The following SH3PXD2A variants were observed in gnomAD, a reference collection of about 807,000 sequenced individuals.
SH3PXD2A encodes SH3 and PX domains 2A.
In SH3PXD2A, 32 loss-of-function variants were observed where a neutral mutation model predicts 115.2. The observed-to-expected ratio is 0.28, with a 90% confidence interval of 0.21 to 0.37. The LOEUF (loss-of-function observed/expected upper bound fraction) is 0.37. Ranked by LOEUF, SH3PXD2A falls within the 10% of genes least tolerant of loss-of-function variation. The pLI, the probability that SH3PXD2A is intolerant of heterozygous loss-of-function variation, is 1.00. For synonymous variants in SH3PXD2A, 610 were observed against 629.1 expected, an observed-to-expected ratio of 0.97 and a Z score of 0.45; for missense variants, 1,328 against 1,498.7, an observed-to-expected ratio of 0.89 and a Z score of 1.88.
intron 1 of SH3PXD2A, among the ~76,000 whole-genome samples, chr10:103,809,848 C>CT (rs35539727): frequency 0.56 from 82,136 of 145,856 alleles, 23,765 homozygotes; most frequent in South Asian, 0.69. Flanking sequence ...CCACACTAGG[C>CT]TTTTTTTTTT....
intron 11 of SH3PXD2A, among the ~76,000 whole-genome samples, chr10:103,613,818 G>A (rs960672313): frequency 6.6e-6 from 1 of 152,200 alleles, no homozygotes; most frequent in Non-Finnish European, 1.5e-5. Context: ...ATCTTAGCTG[G>A]AATGGCTCCT....
intron 8 of SH3PXD2A, among the ~76,000 whole-genome samples, chr10:103,647,006 G>A (rs548557353): frequency 2.6e-5 from 4 of 152,324 alleles, no homozygotes; most frequent in African/African-American, 9.6e-5. Context: ...CTCCCTTGGA[G>A]GGAGGCCTCT....
chr10:103,695,995 C>T (rs955000970), intron 5 of SH3PXD2A, among the ~76,000 whole-genome samples: 1 of 152,188 alleles, frequency 6.6e-6, no homozygotes, highest in Non-Finnish European at 1.5e-5. Flanking sequence ...GGACTGGGGA[C>T]CAGAAAACCC....
At position 103,655,049 on chromosome 10, in the gene SH3PXD2A, G is replaced by A. The variant is rs149141889; in HGVS notation, c.604+5934C>T. 2.0e-5 allele frequency among the ~76,000 whole-genome samples: 3 copies of A among 152,328 alleles called. No individual in the cohort carries two copies. The East Asian group carries it at 5.8e-4, about 29-fold the overall frequency. ...TCCCCTCCAGCCAGCTCTGTGAAGTGGGTAACGGCTGCACACTGGAGATCG... is the reference window on the plus strand; with the variant it reads ...TCCCCTCCAGCCAGCTCTGTGAAGTAGGTAACGGCTGCACACTGGAGATCG... On this transcript the variant is annotated intron_variant, in intron 8 of 14. Transcript: ENST00000369774.
intron 3 of SH3PXD2A, among the ~76,000 whole-genome samples, chr10:103,759,804 T>C (rs190553181): frequency 3.9e-5 from 6 of 152,292 alleles, no homozygotes; most frequent in African/African-American, 1.4e-4. Context: ...AAATTCCAAG[T>C]AAACAGTAGG....
chr10:103,748,723 C>G (rs1056660864), intron 3 of SH3PXD2A, among the ~76,000 whole-genome samples: 2 of 152,118 alleles, frequency 1.3e-5, no homozygotes, highest in African/African-American at 4.8e-5. Flanking sequence ...ATCTGAGAAG[C>G]TGAAGGGAGT....
intron 8 of SH3PXD2A, among the ~76,000 whole-genome samples, chr10:103,634,006 C>T (rs866935682): frequency 2.6e-5 from 4 of 152,298 alleles, no homozygotes; most frequent in Middle Eastern, 3.4e-3. Flanking sequence ...GGCCCCTGTG[C>T]CGTACATTCG....
Position 103,598,457 on chromosome 10 carries a change from A to G in SH3PXD2A, c.*3359T>C, listed in dbSNP as rs2036165299. On this transcript the variant is annotated 3_prime_UTR_variant, in exon 15 of 15. Coordinates refer to ENST00000369774, the MANE Select transcript of SH3PXD2A (RefSeq NM_001394015.1). ...AAGGTCTTGAAACGGAAAGGAAAAC[A>G]AAGCACCAAATGCTGCATCTTCGGG... 6.6e-6 allele frequency: 1 copy of G among 152,652 alleles called. No homozygotes were observed. Among genetic ancestry groups the G allele is most frequent in the Non-Finnish European group, 1.5e-5 (1 of 68,046 alleles). 9.5% of individuals were successfully genotyped at this position (152,652 alleles called of 1,614,324 possible). A position where few individuals can be genotyped will look rare whatever the true frequency, so the allele number is the denominator to read the frequency against.
At chr10:103,728,209 G>C (rs1039227552) in intron 4 of SH3PXD2A, among the ~76,000 whole-genome samples, 2 of 152,218 alleles carry the variant, frequency 1.3e-5, no homozygotes, top group African/African-American at 4.8e-5. Flanking sequence ...GTGTGAGGCT[G>C]GATGCATTAC....
At chr10:103,612,751 A>T (rs543502521) in intron 12 of SH3PXD2A, 102 bp downstream of exon 12, 1 of 738,462 alleles carries the variant, frequency 1.4e-6, no homozygotes, top group Admixed American at 3.2e-5. Flanking sequence ...CCAGGAGGAA[A>T]ACGCCATGGG....
rs2038446221 is a variant in SH3PXD2A at position 103,741,743 on chromosome 10, GA to G, written c.230-5936del. Among the ~76,000 whole-genome samples the G allele has an allele frequency of 5.9e-5, 9 of 152,336 alleles. No individual in the cohort carries two copies. In the South Asian group the frequency reaches 1.9e-3, roughly 32 times the overall value. The stretch of plus-strand genomic sequence containing the variant: ...CGGTGCAAAGGCCTCGTGCTCCAAG[GA>G]CAGCCCTCCTGCCCTTCTAACTGGG... On this transcript the variant is annotated intron_variant, in intron 3 of 14. Coordinates refer to ENST00000369774, the MANE Select transcript of SH3PXD2A (RefSeq NM_001394015.1).
chr10:103,722,276 C>G (rs1391656393), intron 5 of SH3PXD2A, among the ~76,000 whole-genome samples: 1 of 147,524 alleles, frequency 6.8e-6, no homozygotes, highest in Non-Finnish European at 1.5e-5. Flanking sequence ...TGCACTCCAG[C>G]CTGGGTGACA....
At chr10:103,656,701 G>A (rs1366336628) in intron 8 of SH3PXD2A, among the ~76,000 whole-genome samples, 1 of 151,912 alleles carries the variant, frequency 6.6e-6, no homozygotes, top group Non-Finnish European at 1.5e-5. Flanking sequence ...GTGGTAGCAG[G>A]TGCCTGTAAT....
At chr10:103,753,385 A>G (rs2134207760) in intron 3 of SH3PXD2A, among the ~76,000 whole-genome samples, 1 of 148,812 alleles carries the variant, frequency 6.7e-6, no homozygotes, top group African/African-American at 2.5e-5. Context: ...AATCCCAGCT[A>G]CTTGGGAGGC....
chr10:103,643,931 G>A (rs907739699), intron 8 of SH3PXD2A, among the ~76,000 whole-genome samples: 1 of 151,714 alleles, frequency 6.6e-6, no homozygotes, highest in Non-Finnish European at 1.5e-5. Context: ...CTAACAGGGT[G>A]AAACCCCATC....
intron 2 of SH3PXD2A, among the ~76,000 whole-genome samples, chr10:103,782,925 G>A (rs1449157502): frequency 7.0e-6 from 1 of 142,948 alleles, no homozygotes; most frequent in African/African-American, 2.9e-5. Flanking sequence ...TGAAATGAAT[G>A]CATGCCTTGG....
chr10:103,625,590 C>T (rs2036679137), intron 9 of SH3PXD2A, among the ~76,000 whole-genome samples: 1 of 152,184 alleles, frequency 6.6e-6, no homozygotes, highest in African/African-American at 2.4e-5. Flanking sequence ...CCTGGCATGC[C>T]CTATAGAATG....
chr10:103,715,769 G>C (rs554210142), intron 5 of SH3PXD2A, among the ~76,000 whole-genome samples: 68 of 152,332 alleles, frequency 4.5e-4, no homozygotes, highest in African/African-American at 1.4e-3. Flanking sequence ...CCTGGCATTC[G>C]ACTGGGATTG....
chr10:103,855,072 G>A, intron 1 of SH3PXD2A, 123 bp downstream of exon 1: 1 of 550,380 alleles, frequency 1.8e-6, no homozygotes, highest in South Asian at 3.0e-5. Flanking sequence ...AAACTCCACG[G>A]CTGCTGGCTG....
Sources: gnomAD v4.1 joint callset for allele counts (sites outside exome capture counted in the v4.1 genomes callset) on GRCh38, gnomAD v4.1.1 for gene constraint, MANE v1.5 for transcripts, NCBI Gene and HGNC (gene_info 2026-07-23, HGNC 2026-07-21) for gene names.